PRDM16: variants seen among roughly 807,000 people sequenced by gnomAD.
PRDM16 encodes the protein histone-lysine N-methyltransferase PRDM16.
In PRDM16, 23 loss-of-function variants were observed where a neutral mutation model predicts 110.6. That is an observed-to-expected ratio of 0.21 (90% CI 0.15 to 0.29). PRDM16 has a LOEUF of 0.29. Ranked by LOEUF, PRDM16 falls within the 10% of genes least tolerant of loss-of-function variation. The probability of loss-of-function intolerance (pLI) is 1.00; values close to 1 mark genes in which losing one functional copy is unlikely to be tolerated. For synonymous variants in PRDM16, 799 were observed against 781.8 expected (o/e 1.02, Z -0.37); for missense variants, 1,615 against 1,794.3 (o/e 0.90, Z 1.81).
At chr1:3,241,250 C>T (rs1639667683) in intron 2 of PRDM16, among the ~76,000 whole-genome samples, 1 of 152,274 alleles carries the variant, frequency 6.6e-6, no homozygotes, top group Admixed American at 6.5e-5. Flanking sequence ...TCTCTGTTGC[C>T]ATCGGGCGCC....
intron 1 of PRDM16, among the ~76,000 whole-genome samples, chr1:3,098,246 C>T (rs941558445): frequency 6.6e-6 from 1 of 152,186 alleles, no homozygotes; most frequent in Non-Finnish European, 1.5e-5. Context: ...TCTGGAAAAT[C>T]CTTCTCCCGG....
At chr1:3,305,363 G>T (rs7517815) in intron 3 of PRDM16, among the ~76,000 whole-genome samples, 1 of 152,078 alleles carries the variant, frequency 6.6e-6, no homozygotes, top group African/African-American at 2.4e-5. Context: ...GCCCCTGCCC[G>T]TGCAGGGGGC....
chr1:3,078,718 G>A (rs1050426729), intron 1 of PRDM16, among the ~76,000 whole-genome samples: 7 of 145,984 alleles, frequency 4.8e-5, no homozygotes, highest in African/African-American at 1.2e-4. Flanking sequence ...AGGAAATGAC[G>A]GGGTGCATAC....
chr1:3,086,903 G>A (rs535876826), intron 1 of PRDM16, among the ~76,000 whole-genome samples: 6 of 152,102 alleles, frequency 3.9e-5, no homozygotes, highest in African/African-American at 1.4e-4. Flanking sequence ...GCAATTAAGC[G>A]ATGGAATTCC....
At chr1:3,109,479 A>T (rs933421801) in intron 1 of PRDM16, among the ~76,000 whole-genome samples, 2 of 152,180 alleles carry the variant, frequency 1.3e-5, no homozygotes, top group Non-Finnish European at 2.9e-5. Flanking sequence ...CGCTAAAGTG[A>T]TTCCTCCCCA....
Position 3,238,264 on chromosome 1 carries a change from T to C in PRDM16, c.388-5823T>C, listed in dbSNP as rs1160651503. ...GAGTGAGGGAGGTGGTGGCTGGGAG[T>C]GTAAACAGCGGCGTAGAGACCTCTG... On this transcript the variant is annotated intron_variant, in intron 2 of 16. Coordinates refer to ENST00000270722, the MANE Select transcript of PRDM16 (RefSeq NM_022114.4). Among the ~76,000 whole-genome samples the C allele has an allele frequency of 2.0e-5, 3 of 151,806 alleles. No homozygotes were observed. The South Asian group carries it at 6.2e-4, about 32-fold the overall frequency.
At chr1:3,086,511 T>G (rs894376159) in intron 1 of PRDM16, among the ~76,000 whole-genome samples, 1 of 151,974 alleles carries the variant, frequency 6.6e-6, no homozygotes, top group African/African-American at 2.4e-5. Flanking sequence ...CTCCCTCCGC[T>G]ACTGGCCTCC....
At chr1:3,171,141 A>T (rs1644020793) in intron 1 of PRDM16, among the ~76,000 whole-genome samples, 1 of 152,066 alleles carries the variant, frequency 6.6e-6, no homozygotes, top group Admixed American at 6.5e-5. Flanking sequence ...TGCGATTTTT[A>T]TTTCGGGGCC....
At chr1:3,077,541 C>T (rs1010612518) in intron 1 of PRDM16, among the ~76,000 whole-genome samples, 1 of 152,230 alleles carries the variant, frequency 6.6e-6, no homozygotes. Flanking sequence ...CTGGAAGGTC[C>T]ACCAGGGTGT....
At chr1:3,082,630 G>C (rs1422662588) in intron 1 of PRDM16, among the ~76,000 whole-genome samples, 2 of 152,234 alleles carry the variant, frequency 1.3e-5, no homozygotes, top group Non-Finnish European at 2.9e-5. Flanking sequence ...TCAGGACAGA[G>C]CCGGGGTTGG....
intron 8 of PRDM16, among the ~76,000 whole-genome samples, chr1:3,409,002 C>T (rs190397957): frequency 3.8e-4 from 52 of 135,538 alleles, no homozygotes; most frequent in African/African-American, 1.3e-3. Flanking sequence ...TGAGGGTTGG[C>T]GTGTGAGCCG....
At position 3,190,097 on chromosome 1, in the gene PRDM16, T is replaced by A. The variant is rs536310110; in HGVS notation, c.387+3623T>A. Among the ~76,000 whole-genome samples the A allele has an allele frequency of 2.6e-5, 4 of 152,210 alleles. No homozygotes were observed. The East Asian group carries it at 7.7e-4, about 29-fold the overall frequency. On this transcript the variant is annotated intron_variant, in intron 2 of 16. Transcript: ENST00000270722. This position sits in a 1 kb window ranked among gnomAD's most constrained non-coding sequence, Gnocchi z 5.0. Reference sequence around the variant, plus strand: ...CATGGGGCCGATGTAGATGACAGCATGACTCCCTGGGGATGAGAGATGGGG... The same window carrying A: ...CATGGGGCCGATGTAGATGACAGCAAGACTCCCTGGGGATGAGAGATGGGG...
intron 16 of PRDM16, among the ~76,000 whole-genome samples, chr1:3,433,119 CAG>C (rs527456366): frequency 3.9e-3 from 587 of 152,306 alleles, no homozygotes; most frequent in African/African-American, 0.013. Context: ...GTGGAGGAAA[CAG>C]GGGGAAGGGG....
intron 1 of PRDM16, among the ~76,000 whole-genome samples, chr1:3,084,098 C>T (rs1298438054): frequency 6.6e-6 from 1 of 152,220 alleles, no homozygotes; most frequent in African/African-American, 2.4e-5. Flanking sequence ...GACCGAATCC[C>T]AGCGCTGCTG....
chr1:3,116,150 CAG>C (rs967455408), intron 1 of PRDM16, among the ~76,000 whole-genome samples: 5 of 152,162 alleles, frequency 3.3e-5, no homozygotes, highest in African/African-American at 9.7e-5. Context: ...GTGGTCATCT[CAG>C]GGGCAGCACT....
intron 1 of PRDM16, among the ~76,000 whole-genome samples, chr1:3,181,577 C>CATGCAGTCTT (rs1644191324): frequency 6.8e-6 from 1 of 146,166 alleles, no homozygotes; most frequent in African/African-American, 2.6e-5. Context: ...CAGTCTTACA[C>CATGCAGTCTT]ACGGTCTTAC....
rs761580471 is a variant in PRDM16 at position 3,404,877 on chromosome 1, C to T, written c.1023C>T (p.Asn341=). ...GCGGCAAACGCTTCGAATGTGAAAA[C>T]TGCGTGAAGGTAACCTGCGGGGCGG... ...HDSGKRFECE[N]CVKVFTDPSN... is the part of the protein sequence containing the mutation. The change falls in exon 7 of 17, where the codon AAC becomes AAT. Residue 341 remains asparagine, a synonymous_variant. Transcript: ENST00000270722. 1.2e-6 allele frequency: 2 copies of T among 1,613,032 alleles called. No individual in the cohort carries two copies.
intron 2 of PRDM16, 162 bp downstream of exon 2, chr1:3,186,636 GA>G: frequency 1.8e-6 from 1 of 568,924 alleles, no homozygotes; most frequent in South Asian, 2.5e-5. Flanking sequence ...CAGCTCGCCT[GA>G]TGCGACTCAG....
rs192947780 is a variant in PRDM16, at chr1:3,359,195, G to A, written c.439-25957G>A. Among the ~76,000 whole-genome samples, 12 of 152,124 alleles carry A rather than the reference G, an allele frequency of 7.9e-5. No individual in the cohort carries two copies. Among genetic ancestry groups the A allele is most frequent in the Admixed American group, 3.3e-4 (5 of 15,278 alleles). On this transcript the variant is annotated intron_variant, in intron 3 of 16. Transcript: ENST00000270722. The surrounding 1 kb of genome is among the most constrained non-coding windows in gnomAD (Gnocchi z 4.3). ...GCTGGGACTACAGGCAGGTGCCACC[G>A]TGCCTAGTTAATATGTCCATTTTGT... is the stretch of plus-strand genomic sequence containing the variant.
Sources: allele counts gnomAD v4.1 joint callset (sites outside exome capture counted in the v4.1 genomes callset), GRCh38; gene constraint gnomAD v4.1.1; non-coding constraint Gnocchi (gnomAD v3.1); transcripts MANE v1.5; gene names NCBI Gene and HGNC (gene_info 2026-07-23, HGNC 2026-07-21).